Variants in DTWD2 observed in about 807,000 individuals in gnomAD.
DTWD2 encodes the protein tRNA-uridine aminocarboxypropyltransferase 2.
In DTWD2, 39 loss-of-function variants were observed where a neutral mutation model predicts 31.8. That is an observed-to-expected ratio of 1.22 (90% confidence interval 0.95 to 1.60). DTWD2 has a LOEUF of 1.60. DTWD2 is among the 40% of genes most tolerant of loss of function. The pLI is 0.00. For missense variants in DTWD2, 515 were observed against 381.5 expected (o/e 1.35, Z -2.92); for synonymous variants, 180 against 142.8 (o/e 1.26, Z -1.86).
intron 1 of DTWD2, among the ~76,000 whole-genome samples, chr5:118,986,294 G>A (rs1755425484): frequency 6.6e-6 from 1 of 152,038 alleles, no homozygotes; most frequent in African/African-American, 2.4e-5. Context: ...CATACATAAA[G>A]GACAGAATAC....
intron 4 of DTWD2, among the ~76,000 whole-genome samples, chr5:118,912,671 A>T (rs1181813977): frequency 1.3e-5 from 2 of 152,194 alleles, no homozygotes; most frequent in African/African-American, 4.8e-5. Flanking sequence ...TCTCTTCTCC[A>T]GGTATTCTCC....
rs549842763 is a variant in DTWD2 at position 118,878,042 on chromosome 5, G to A, written c.598-29824C>T. ...CAAAACACTGCTCAAAGAAACCAGA[G>A]ATCTCACAAACAAATGGAAAAACAT... On this transcript the variant is annotated intron_variant, in intron 4 of 5. Coordinates refer to ENST00000510708, the MANE Select transcript of DTWD2 (RefSeq NM_173666.4). Among the ~76,000 whole-genome samples, 234 of 152,092 alleles carry A rather than the reference G, an allele frequency of 1.5e-3. 1 individual carries two copies. The highest frequency in any genetic ancestry group is 5.5e-3 in the African/African-American group (228 of 41,504).
intron 4 of DTWD2, among the ~76,000 whole-genome samples, chr5:118,854,992 G>A (rs1046712631): frequency 7.9e-5 from 12 of 151,630 alleles, no homozygotes; most frequent in African/African-American, 2.9e-4. Flanking sequence ...CTGGGCAACA[G>A]GCCAGTGCCC....
rs150996172 is a variant in DTWD2, at chr5:118,970,047, C to T, written c.218+18247G>A. Among the ~76,000 whole-genome samples the T allele has an allele frequency of 6.7e-3, 1,022 of 152,252 alleles. 12 individuals are homozygous for T. Among genetic ancestry groups the T allele is most frequent in the African/African-American group, 0.024 (982 of 41,538 alleles). The stretch of plus-strand genomic sequence containing the variant: ...AAATTCACAATGCAATCACAAGTAT[C>T]AACAGCAAAATAGACCAAGCAGAGG... On this transcript the variant is annotated intron_variant, in intron 1 of 5. Transcript: ENST00000510708.
At chr5:118,872,998 C>T (rs1752540924) in intron 4 of DTWD2, among the ~76,000 whole-genome samples, 2 of 152,100 alleles carry the variant, frequency 1.3e-5, no homozygotes, top group African/African-American at 4.8e-5. Flanking sequence ...ACACTGAAAA[C>T]ACTAACATGC....
intron 4 of DTWD2, among the ~76,000 whole-genome samples, chr5:118,873,272 G>C (rs1270486528): frequency 6.6e-6 from 1 of 152,214 alleles, no homozygotes; most frequent in South Asian, 2.1e-4. Flanking sequence ...TAGGGGAAAT[G>C]TCACACATGA....
At chr5:118,959,579 T>C (rs1057208333) in intron 1 of DTWD2, among the ~76,000 whole-genome samples, 1 of 152,172 alleles carries the variant, frequency 6.6e-6, no homozygotes, top group Non-Finnish European at 1.5e-5. Flanking sequence ...ATGACATTCT[T>C]CACAGAATTA....
chr5:118,980,016 A>G (rs926172903), intron 1 of DTWD2, among the ~76,000 whole-genome samples: 2 of 152,216 alleles, frequency 1.3e-5, no homozygotes, highest in Non-Finnish European at 2.9e-5. Flanking sequence ...GAAAAGAAAA[A>G]TAGTACTGTA....
chr5:118,978,035 C>T (rs571435432), intron 1 of DTWD2, among the ~76,000 whole-genome samples: 2 of 152,084 alleles, frequency 1.3e-5, no homozygotes, highest in South Asian at 4.1e-4. Flanking sequence ...ATAGAGAACT[C>T]AGAAACAAGA....
intron 4 of DTWD2, among the ~76,000 whole-genome samples, chr5:118,897,012 T>C (rs570294107): frequency 3.6e-4 from 55 of 152,352 alleles, no homozygotes; most frequent in African/African-American, 1.3e-3. Context: ...TACAATTAAA[T>C]GGTTGTTGCT....
chr5:118,911,268 C>G (rs1753452678), intron 4 of DTWD2, among the ~76,000 whole-genome samples: 1 of 152,190 alleles, frequency 6.6e-6, no homozygotes, highest in African/African-American at 2.4e-5. Context: ...GGTATATAAT[C>G]TCTAATCAAC....
intron 1 of DTWD2, among the ~76,000 whole-genome samples, chr5:118,948,844 A>C (rs1396669135): frequency 6.6e-6 from 1 of 152,138 alleles, no homozygotes; most frequent in Admixed American, 6.5e-5. Flanking sequence ...GAGGTCAGCT[A>C]AGTTTCTTTT....
chr5:118,862,202 G>C (rs1378505100), intron 4 of DTWD2, among the ~76,000 whole-genome samples: 1 of 152,164 alleles, frequency 6.6e-6, no homozygotes. Flanking sequence ...ATCTGAAGTG[G>C]AATAGTTTCA....
intron 4 of DTWD2, among the ~76,000 whole-genome samples, chr5:118,852,018 T>C (rs567422470): frequency 1.1e-4 from 16 of 152,210 alleles, no homozygotes; most frequent in African/African-American, 3.4e-4. Context: ...AGTGGCGGTT[T>C]ATAGACCTCC....
At chr5:118,872,042 T>C (rs1752517251) in intron 4 of DTWD2, among the ~76,000 whole-genome samples, 3 of 152,232 alleles carry the variant, frequency 2.0e-5, no homozygotes, top group Admixed American at 1.3e-4. Flanking sequence ...GTTAAAGAGA[T>C]AGCTTCTCAA....
chr5:118,981,273 G>T (rs563533113), intron 1 of DTWD2, among the ~76,000 whole-genome samples: 1 of 152,122 alleles, frequency 6.6e-6, no homozygotes, highest in Admixed American at 6.6e-5. Flanking sequence ...CATTTACATC[G>T]TGGTGATGGC....
At chr5:118,978,484 A>C (rs1458058216) in intron 1 of DTWD2, among the ~76,000 whole-genome samples, 1 of 152,254 alleles carries the variant, frequency 6.6e-6, no homozygotes, top group Non-Finnish European at 1.5e-5. Context: ...CCATCTGACA[A>C]AGGTCTAATA....
intron 4 of DTWD2, among the ~76,000 whole-genome samples, chr5:118,925,004 T>C (rs1325038862): frequency 1.3e-5 from 2 of 152,218 alleles, no homozygotes; most frequent in South Asian, 4.1e-4. Context: ...AGCTATTTTT[T>C]AGAATTGTGT....
chr5:118,917,900 C>T lies in DTWD2; in HGVS notation c.597+10637G>A, dbSNP rs111242365. On this transcript the variant is annotated intron_variant, in intron 4 of 5. Transcript: ENST00000510708. ...GAATCGCTTGAACCCAGGAGGCAGA[C>T]GTTGTAGTGAGCCGAGATCGCACCA... Among the ~76,000 whole-genome samples the T allele has an allele frequency of 5.0e-3, 755 of 151,562 alleles. 6 individuals carry two copies. Among genetic ancestry groups the T allele is most frequent in the African/African-American group, 0.017 (696 of 41,290 alleles).
Sources: gnomAD v4.1 joint callset for allele counts (sites outside exome capture counted in the v4.1 genomes callset) on GRCh38, gnomAD v4.1.1 for gene constraint, MANE v1.5 for transcripts, NCBI Gene and HGNC (gene_info 2026-07-23, HGNC 2026-07-21) for gene names.